The following XKR4 variants were observed in gnomAD, a reference collection of about 807,000 sequenced individuals.
The protein encoded by XKR4 is XK-related protein 4.
A neutral mutation model predicts 53.9 loss-of-function variants in XKR4; 12 were observed. That is an observed-to-expected ratio of 0.22 (90% CI 0.14 to 0.36). The LOEUF (loss-of-function observed/expected upper bound fraction) is 0.36, where lower values mean the gene tolerates loss of function less well. Ranked by LOEUF, XKR4 falls within the 10% of genes least tolerant of loss-of-function variation. The pLI is 1.00. For synonymous variants in XKR4, 354 were observed against 362.4 expected, an observed-to-expected ratio of 0.98 and a Z score of 0.26; for missense variants, 799 against 859.5, an observed-to-expected ratio of 0.93 and a Z score of 0.88.
At chr8:55,261,369 A>G (rs1426096654) in intron 1 of XKR4, among the ~76,000 whole-genome samples, 1 of 152,238 alleles carries the variant, frequency 6.6e-6, no homozygotes, top group Non-Finnish European at 1.5e-5. Context: ...CTGTGACTCA[A>G]GATAACTTAA....
chr8:55,482,193 A>G (rs969492319), intron 2 of XKR4, among the ~76,000 whole-genome samples: 1 of 152,002 alleles, frequency 6.6e-6, no homozygotes. Context: ...TGGCACATAT[A>G]CACCATGGAA....
chr8:55,512,259 G>T (rs1208189203), intron 2 of XKR4, among the ~76,000 whole-genome samples: 8 of 152,198 alleles, frequency 5.3e-5, no homozygotes, highest in Non-Finnish European at 1.5e-5. Context: ...GGCACACTCT[G>T]CCCACTCAGG....
chr8:55,377,076 C>A (rs1430375275), intron 2 of XKR4, among the ~76,000 whole-genome samples: 1 of 152,142 alleles, frequency 6.6e-6, no homozygotes. Context: ...TGCCTGATGA[C>A]AATGGCACTT....
At chr8:55,242,116 A>G (rs745389621) in intron 1 of XKR4, among the ~76,000 whole-genome samples, 1 of 152,192 alleles carries the variant, frequency 6.6e-6, no homozygotes, top group Non-Finnish European at 1.5e-5. Context: ...TATATTCACT[A>G]TTAAATAAAT....
In XKR4 at chr8:55,538,352, T is replaced by C. The variant is rs759095781; in HGVS notation, c.*14125T>C. 9 of 152,226 alleles carry C rather than the reference T, an allele frequency of 5.9e-5. No homozygotes were observed. Among genetic ancestry groups the C allele is most frequent in the African/African-American group, 9.7e-5 (4 of 41,446 alleles). The allele number at this position is 152,226 out of a possible 1,614,324, so 9.4% of individuals were successfully genotyped here. Reference sequence around the variant, plus strand: ...GCTAAAGTGCTTGTAGGTTAGAAAGTGCTGTCATTCCTGAGAACTGGCATT... The same window carrying C: ...GCTAAAGTGCTTGTAGGTTAGAAAGCGCTGTCATTCCTGAGAACTGGCATT... On this transcript the variant is annotated 3_prime_UTR_variant, in exon 3 of 3. Coordinates refer to ENST00000327381, the MANE Select transcript of XKR4 (RefSeq NM_052898.2).
chr8:55,459,692 C>T (rs1447273291), intron 2 of XKR4, among the ~76,000 whole-genome samples: 2 of 152,156 alleles, frequency 1.3e-5, no homozygotes, highest in East Asian at 3.9e-4. Flanking sequence ...AGATACTAAA[C>T]ATCTTTTAGT....
intron 2 of XKR4, among the ~76,000 whole-genome samples, chr8:55,446,127 C>A (rs944612328): frequency 1.3e-5 from 2 of 151,852 alleles, no homozygotes; most frequent in East Asian, 1.9e-4. Flanking sequence ...GCTCAGCCCC[C>A]ACCCTGAAAC....
Position 55,454,108 on chromosome 8 carries a change from G to T in XKR4, c.1007-69173G>T, listed in dbSNP as rs1805511775. On this transcript the variant is annotated intron_variant, in intron 2 of 2. Coordinates refer to ENST00000327381, the MANE Select transcript of XKR4 (RefSeq NM_052898.2). ...TATTCAAGGAGGAGGGGGACGTCAT[G>T]GGTGGAGGGAAGGCGAGGTCAACCA... 9 of 830,530 alleles carry T rather than the reference G, an allele frequency of 1.1e-5. No individual in the cohort carries two copies. In the East Asian group the frequency reaches 2.0e-4, roughly 18 times the overall value. The allele number at this position is 830,530 out of a possible 1,614,324, so 51.4% of individuals were successfully genotyped here.
intron 1 of XKR4, among the ~76,000 whole-genome samples, chr8:55,224,914 G>A (rs955832572): frequency 2.6e-5 from 4 of 152,156 alleles, no homozygotes; most frequent in Admixed American, 1.3e-4. Flanking sequence ...CACTAAAGGG[G>A]TTAAAAGACG....
intron 1 of XKR4, among the ~76,000 whole-genome samples, chr8:55,165,886 A>G (rs915728385): frequency 6.6e-6 from 1 of 152,234 alleles, no homozygotes; most frequent in Non-Finnish European, 1.5e-5. Context: ...ATGGGAAAAT[A>G]GGATGTCAAT....
intron 1 of XKR4, among the ~76,000 whole-genome samples, chr8:55,197,499 C>T (rs1180030785): frequency 6.6e-6 from 1 of 151,514 alleles, no homozygotes; most frequent in Admixed American, 6.6e-5. Context: ...CTATTTTAAA[C>T]TTTAAAATGA....
chr8:55,378,157 T>C (rs1312129662), intron 2 of XKR4, among the ~76,000 whole-genome samples: 2 of 152,214 alleles, frequency 1.3e-5, no homozygotes, highest in African/African-American at 4.8e-5. Flanking sequence ...TACATTAACA[T>C]GTGTAGAATA....
chr8:55,232,368 A>G (rs1419818449), intron 1 of XKR4, among the ~76,000 whole-genome samples: 1 of 152,226 alleles, frequency 6.6e-6, no homozygotes, highest in African/African-American at 2.4e-5. Context: ...AGCAAGCTAT[A>G]TATTCACAGC....
chr8:55,524,044 T>G lies in XKR4; in HGVS notation c.1770T>G (p.Ile590Met). Residue 590 changes from isoleucine to methionine, a missense_variant, in exon 3 of 3, where the codon ATT (isoleucine) becomes ATG (methionine). Ile to Met is a conservative substitution (Grantham distance 10, BLOSUM62 1). Around this residue, in one of 3 missense-constraint regions of XKR4, gnomAD observed 269 missense variants for 264.4 expected, o/e 1.02. Transcript: ENST00000327381. ...PSTPSSRPPR[I>M]EESVIKIDLF... ...CCCCATCATCTCGCCCACCACGGAT[T>G]GAAGAATCAGTCATTAAAATTGACT... 6.2e-7 allele frequency: 1 copy of G among 1,614,206 alleles called. No individual in the cohort carries two copies. Among genetic ancestry groups the G allele is most frequent in the Non-Finnish European group, 8.5e-7 (1 of 1,180,040 alleles).
At chr8:55,304,610 CATT>C (rs1563320193) in intron 1 of XKR4, among the ~76,000 whole-genome samples, 1 of 152,060 alleles carries the variant, frequency 6.6e-6, no homozygotes. Flanking sequence ...TAAAGTCTCC[CATT>C]ATTATTGTGT....
At chr8:55,414,011 G>A (rs1449017765) in intron 2 of XKR4, among the ~76,000 whole-genome samples, 1 of 152,080 alleles carries the variant, frequency 6.6e-6, no homozygotes, top group African/African-American at 2.4e-5. Flanking sequence ...TCAAAATATA[G>A]AGATTTGCAT....
chr8:55,352,637 C>T (rs562553086), intron 1 of XKR4, among the ~76,000 whole-genome samples: 18 of 152,286 alleles, frequency 1.2e-4, no homozygotes, highest in African/African-American at 4.3e-4. Context: ...TCTATTAATA[C>T]CAAGCTCTGT....
chr8:55,200,796 C>G (rs1215883251), intron 1 of XKR4, among the ~76,000 whole-genome samples: 1 of 152,146 alleles, frequency 6.6e-6, no homozygotes, highest in East Asian at 1.9e-4. Flanking sequence ...GTAGCATATG[C>G]CAGCAGAAAC....
intron 1 of XKR4, among the ~76,000 whole-genome samples, chr8:55,270,992 G>A (rs1274504274): frequency 6.6e-6 from 1 of 152,116 alleles, no homozygotes; most frequent in Non-Finnish European, 1.5e-5. Flanking sequence ...ATACCTAAGA[G>A]CTAGGGAGGC....
Sources: gnomAD v4.1 joint callset for allele counts (sites outside exome capture counted in the v4.1 genomes callset) on GRCh38, gnomAD v4.1.1 for gene constraint, gnomAD v4.1.1 regional missense constraint, MANE v1.5 for transcripts, NCBI Gene and HGNC (gene_info 2026-07-23, HGNC 2026-07-21) for gene names.